Variants in GRM5 observed in about 807,000 individuals in gnomAD.
The protein encoded by GRM5 is glutamate metabotropic receptor 5, also known as metabotropic glutamate receptor 5.
Under a neutral mutation model 83.1 loss-of-function variants are expected in GRM5, and 19 were observed. That is an observed-to-expected ratio of 0.23 (90% CI 0.16 to 0.34). The LOEUF is 0.34. Among genes scored for constraint, GRM5 ranks in the 10% least tolerant of loss-of-function variants. The pLI is 1.00. For synonymous variants in GRM5, 675 were observed against 633.6 expected, an observed-to-expected ratio of 1.07 and a Z score of -0.98; for missense variants, 1,160 against 1,588.3, an observed-to-expected ratio of 0.73 and a Z score of 4.58.
intron 3 of GRM5, among the ~76,000 whole-genome samples, chr11:88,773,256 A>G (rs1942778362): frequency 2.0e-5 from 3 of 152,110 alleles, no homozygotes; most frequent in African/African-American, 7.2e-5. Flanking sequence ...TTCTTTTGAG[A>G]AGTGTCTGTC....
chr11:89,028,911 A>T (rs2135121575), intron 2 of GRM5, among the ~76,000 whole-genome samples: 1 of 152,138 alleles, frequency 6.6e-6, no homozygotes, highest in South Asian at 2.1e-4. Context: ...TACATTAGGT[A>T]TTTTTCCTAA....
intron 3 of GRM5, among the ~76,000 whole-genome samples, chr11:88,710,012 G>C (rs1418672977): frequency 6.6e-6 from 1 of 152,036 alleles, no homozygotes; most frequent in Non-Finnish European, 1.5e-5. Context: ...GGAAAATGCT[G>C]GGTATTCGCA....
At chr11:88,965,677 A>C (rs1476973828) in intron 2 of GRM5, among the ~76,000 whole-genome samples, 1 of 152,110 alleles carries the variant, frequency 6.6e-6, no homozygotes, top group Non-Finnish European at 1.5e-5. Flanking sequence ...AAAGGTACAC[A>C]ATCAGGTCAT....
intron 4 of GRM5, among the ~76,000 whole-genome samples, chr11:88,611,470 C>G (rs1591380949): frequency 6.6e-6 from 1 of 152,006 alleles, no homozygotes; most frequent in South Asian, 2.1e-4. Context: ...AGAAATTTAC[C>G]TATTTCTCCT....
At chr11:88,827,947 G>T (rs1830603827) in intron 3 of GRM5, among the ~76,000 whole-genome samples, 1 of 152,142 alleles carries the variant, frequency 6.6e-6, no homozygotes, top group South Asian at 2.1e-4. Flanking sequence ...CAATGGTAGG[G>T]TATGTTTCAT....
intron 2 of GRM5, among the ~76,000 whole-genome samples, chr11:89,010,481 A>C (rs1037108089): frequency 3.3e-5 from 5 of 152,182 alleles, no homozygotes; most frequent in Non-Finnish European, 5.9e-5. Flanking sequence ...CAGAATTATG[A>C]AGGTATCATG....
intron 3 of GRM5, among the ~76,000 whole-genome samples, chr11:88,848,574 A>T (rs1041759816): frequency 6.6e-6 from 1 of 152,202 alleles, no homozygotes; most frequent in African/African-American, 2.4e-5. Flanking sequence ...TGTTAATAAA[A>T]AGATATATGG....
intron 2 of GRM5, among the ~76,000 whole-genome samples, chr11:89,038,363 T>G (rs1565346705): frequency 6.6e-6 from 1 of 152,236 alleles, no homozygotes; most frequent in South Asian, 2.1e-4. Flanking sequence ...ACAACCCTGA[T>G]GAATTCCAAA....
intron 2 of GRM5, among the ~76,000 whole-genome samples, chr11:88,867,080 T>C (rs1322325328): frequency 6.6e-6 from 1 of 152,180 alleles, no homozygotes; most frequent in African/African-American, 2.4e-5. Flanking sequence ...TGTTTTGATA[T>C]GAGTACCACG....
At chr11:88,812,832 C>T (rs1482988928) in intron 3 of GRM5, among the ~76,000 whole-genome samples, 2 of 152,052 alleles carry the variant, frequency 1.3e-5, no homozygotes, top group African/African-American at 4.8e-5. Context: ...TCCAATTTTG[C>T]ATGTAGGGAA....
intron 7 of GRM5, among the ~76,000 whole-genome samples, chr11:88,575,246 C>T (rs906738188): frequency 6.6e-6 from 1 of 152,010 alleles, no homozygotes; most frequent in Non-Finnish European, 1.5e-5. Flanking sequence ...TTATTGAATG[C>T]CTACTATATA....
chr11:88,508,834 C>T lies in GRM5; in HGVS notation c.3397G>A (p.Ala1133Thr). ...VTGGAQPAAGAQAAGDAARES... is the reference protein window; with the variant it reads ...VTGGAQPAAGTQAAGDAARES... Reference sequence around the variant, plus strand: ...CGGGCCGCGTCCCCAGCCGCCTGCGCCCCTGCCGCGGGCTGCGCGCCTCCC... The same window carrying T: ...CGGGCCGCGTCCCCAGCCGCCTGCGTCCCTGCCGCGGGCTGCGCGCCTCCC... The change falls in exon 10 of 10, where the codon GCG (alanine) becomes ACG (threonine). Residue 1133 changes from alanine (A) to threonine (T), a missense_variant. Physicochemically the swap from Ala to Thr is moderately conservative, Grantham distance 58 (BLOSUM62 0). Coordinates refer to ENST00000305447, the MANE Select transcript of GRM5 (RefSeq NM_001143831.3). This position sits in a 1 kb window ranked among gnomAD's most constrained non-coding sequence, Gnocchi z 4.2. 6.5e-7 allele frequency: 1 copy of T among 1,545,256 alleles called. No homozygotes were observed. The highest frequency in any genetic ancestry group is 8.7e-7 in the Non-Finnish European group (1 of 1,146,200).
intron 1 of GRM5, among the ~76,000 whole-genome samples, chr11:89,052,753 T>C (rs747003812): frequency 6.6e-6 from 1 of 152,184 alleles, no homozygotes; most frequent in Middle Eastern, 3.2e-3. Context: ...AATCCTAAAA[T>C]GTGAAATTGG....
chr11:89,027,946 C>T (rs577537766), intron 2 of GRM5, among the ~76,000 whole-genome samples: 23 of 152,226 alleles, frequency 1.5e-4, no homozygotes, highest in African/African-American at 5.3e-4. Flanking sequence ...GAATTAATGC[C>T]ATTTTAAAAA....
At chr11:88,556,848 C>T (rs78092699) in intron 8 of GRM5, among the ~76,000 whole-genome samples, 6,987 of 152,062 alleles carry the variant, frequency 0.046, 506 homozygotes, top group African/African-American at 0.15. Flanking sequence ...GAGACACCGA[C>T]GGCTACCTTG....
In GRM5 at chr11:88,868,918, C is replaced by G. The variant is rs539607110; in HGVS notation, c.662-18763G>C. 1.3e-4 allele frequency among the ~76,000 whole-genome samples: 20 copies of G among 151,834 alleles called. No individual in the cohort carries two copies. The East Asian group carries it at 1.7e-3, about 13-fold the overall frequency. On this transcript the variant is annotated intron_variant, in intron 2 of 9. Transcript: ENST00000305447. ...TAACAAAATCACTTATGGTCTAATT[C>G]TCCTGTCCTCATTTTGCTGCTGATG...
intron 3 of GRM5, among the ~76,000 whole-genome samples, chr11:88,671,156 A>G (rs1181065554): frequency 1.3e-5 from 2 of 151,622 alleles, no homozygotes; most frequent in Non-Finnish European, 2.9e-5. Flanking sequence ...ACAACAAGAA[A>G]CATTCCAAAA....
At chr11:88,606,621 T>A (rs1024375485) in intron 4 of GRM5, among the ~76,000 whole-genome samples, 2 of 152,170 alleles carry the variant, frequency 1.3e-5, no homozygotes, top group South Asian at 2.1e-4. Flanking sequence ...ATGATCAGAT[T>A]TCTGTTTTAG....
At chr11:88,741,425 G>A (rs1942026571) in intron 3 of GRM5, among the ~76,000 whole-genome samples, 1 of 152,056 alleles carries the variant, frequency 6.6e-6, no homozygotes, top group African/African-American at 2.4e-5. Context: ...TGATGGGGCT[G>A]AGACTTCTGA....
Sources: gnomAD v4.1 joint callset for allele counts (sites outside exome capture counted in the v4.1 genomes callset) on GRCh38, gnomAD v4.1.1 for gene constraint, Gnocchi (gnomAD v3.1) non-coding constraint, MANE v1.5 for transcripts, NCBI Gene and HGNC (gene_info 2026-07-23, HGNC 2026-07-21) for gene names.